DNAH14: variants seen among roughly 807,000 people sequenced by gnomAD.
DNAH14 encodes dynein axonemal heavy chain 14.
Under a neutral mutation model 520.9 loss-of-function variants are expected in DNAH14, and 478 were observed. That is an observed-to-expected ratio of 0.92 (90% CI 0.85 to 0.99). The LOEUF is 0.99. DNAH14 is among the 50% of genes least tolerant of loss of function. DNAH14 has a pLI of 0.00. For synonymous variants in DNAH14, 1,581 were observed against 1,757.2 expected (o/e 0.90, Z 2.51); for missense variants, 4,831 against 5,234.5 (o/e 0.92, Z 2.38).
At chr1:225,341,616 A>G (rs1005967189) in intron 69 of DNAH14, among the ~76,000 whole-genome samples, 4 of 152,240 alleles carry the variant, frequency 2.6e-5, no homozygotes, top group African/African-American at 9.6e-5. Flanking sequence ...CGGTGAGTCA[A>G]GATGGTGCCA....
intron 84 of DNAH14, chr1:225,398,039 C>T (rs6426072): frequency 0.56 from 73,739 of 130,530 alleles, 22,508 homozygotes; most frequent in East Asian, 0.76. Context: ...AGAGCGAGAC[C>T]CCATGTCAAA....
At chr1:225,155,457 A>G (rs2080934749) in intron 34 of DNAH14, among the ~76,000 whole-genome samples, 1 of 152,278 alleles carries the variant, frequency 6.6e-6, no homozygotes, top group African/African-American at 2.4e-5. Context: ...TATAATATTG[A>G]TGGCATGTAA....
intron 41 of DNAH14, among the ~76,000 whole-genome samples, chr1:225,213,053 A>G (rs2088690044): frequency 6.6e-6 from 1 of 152,204 alleles, no homozygotes; most frequent in Non-Finnish European, 1.5e-5. Flanking sequence ...TCTAACATTT[A>G]AGTCTTTGAT....
At chr1:225,305,129 G>T (rs771771415) in intron 58 of DNAH14, 40 bp downstream of exon 58, 1 of 1,494,708 alleles carries the variant, frequency 6.7e-7, no homozygotes, top group Non-Finnish European at 8.8e-7. Context: ...ATTTTATATT[G>T]GTGTTTTTGT....
At chr1:224,957,697 A>C (rs1304883401) in intron 3 of DNAH14, among the ~76,000 whole-genome samples, 1 of 152,180 alleles carries the variant, frequency 6.6e-6, no homozygotes, top group Non-Finnish European at 1.5e-5. Flanking sequence ...AACACTGGTA[A>C]GTAACATGAG....
chr1:225,320,109 G>A (rs1334510269), intron 61 of DNAH14, among the ~76,000 whole-genome samples: 1 of 151,952 alleles, frequency 6.6e-6, no homozygotes, highest in Non-Finnish European at 1.5e-5. Context: ...ATTCCCTTTA[G>A]CCTAATTTCT....
At chr1:225,222,500 G>A (rs1558072351) in intron 41 of DNAH14, among the ~76,000 whole-genome samples, 1 of 152,256 alleles carries the variant, frequency 6.6e-6, no homozygotes, top group East Asian at 1.9e-4. Context: ...ACATGGAAGG[G>A]GACCCAAGAG....
chr1:225,117,727 T>C lies in DNAH14; in HGVS notation c.3911T>C (p.Phe1304Ser). The C allele has an allele frequency of 1.3e-6, 2 of 1,550,394 alleles. No homozygotes were observed. Among genetic ancestry groups the C allele is most frequent in the Non-Finnish European group, 8.7e-7 (1 of 1,146,834 alleles). Residue 1304 changes from phenylalanine to serine, a missense_variant, in exon 24 of 86, where the codon TTT becomes TCT. Phe to Ser is a radical substitution (Grantham distance 155). Coordinates refer to ENST00000682510, the MANE Select transcript of DNAH14 (RefSeq NM_001367479.1). The stretch of plus-strand genomic sequence containing the variant: ...AGATTAATTTTCCCAAGATTTTACT[T>C]TCTTAGCAATGCCGAGCTTCTTGAT... Reference protein sequence around the residue: ...VKRLIFPRFYFLSNAELLDIL... With the variant: ...VKRLIFPRFYSLSNAELLDIL...
intron 65 of DNAH14, 130 bp from the exon 66 acceptor site, chr1:225,333,161 T>C (rs1460764434): frequency 4.1e-6 from 3 of 726,990 alleles, no homozygotes; most frequent in East Asian, 5.6e-5. Flanking sequence ...TTATTAACTT[T>C]GATACAGCCA....
At chr1:224,973,246 A>T (rs148289131) in intron 7 of DNAH14, among the ~76,000 whole-genome samples, 1 of 152,344 alleles carries the variant, frequency 6.6e-6, no homozygotes, top group African/African-American at 2.4e-5. Flanking sequence ...TTGATTCAAA[A>T]TTAGCCAACG....
At chr1:225,019,128 A>C (rs564595905) in intron 10 of DNAH14, among the ~76,000 whole-genome samples, 1 of 152,332 alleles carries the variant, frequency 6.6e-6, no homozygotes, top group East Asian at 1.9e-4. Context: ...ACTGTGACAA[A>C]CTGGATAAAG....
intron 21 of DNAH14, among the ~76,000 whole-genome samples, chr1:225,092,035 A>G (rs2074444618): frequency 6.6e-6 from 1 of 152,178 alleles, no homozygotes; most frequent in South Asian, 2.1e-4. Context: ...TATTGTAAAT[A>G]TATACACACC....
chr1:225,105,333 A>G (rs1273990944), intron 23 of DNAH14, among the ~76,000 whole-genome samples: 5 of 152,028 alleles, frequency 3.3e-5, no homozygotes, highest in Non-Finnish European at 7.4e-5. Context: ...GAATAAGTGC[A>G]GTGTGGTGCT....
At chr1:225,197,453 A>G (rs1434371160) in intron 38 of DNAH14, among the ~76,000 whole-genome samples, 2 of 152,218 alleles carry the variant, frequency 1.3e-5, no homozygotes, top group East Asian at 1.9e-4. Flanking sequence ...GCCTTATAGT[A>G]TAGCCTGAAA....
chr1:225,184,752 A>AG (rs1442028599), intron 36 of DNAH14, among the ~76,000 whole-genome samples: 5 of 152,110 alleles, frequency 3.3e-5, no homozygotes, highest in African/African-American at 1.2e-4. Flanking sequence ...ATCTTAAAAA[A>AG]AAGAGAGAGA....
At chr1:225,346,704 G>A (rs768287642) in intron 71 of DNAH14, 50 bp downstream of exon 71, 1 of 1,418,932 alleles carries the variant, frequency 7.0e-7, no homozygotes, top group Non-Finnish European at 9.5e-7. Context: ...TTAAAAGTGT[G>A]TTTCCTTCCT....
intron 27 of DNAH14, among the ~76,000 whole-genome samples, chr1:225,123,945 G>T (rs933390020): frequency 6.6e-6 from 1 of 151,654 alleles, no homozygotes; most frequent in Non-Finnish European, 1.5e-5. Context: ...TAGAGATGGG[G>T]TTTTGTAATG....
chr1:225,224,933 C>A (rs1306598653), intron 41 of DNAH14, among the ~76,000 whole-genome samples: 1 of 152,194 alleles, frequency 6.6e-6, no homozygotes, highest in African/African-American at 2.4e-5. Flanking sequence ...TGCACTTTTT[C>A]TTTGACTTCA....
intron 37 of DNAH14, 35 bp downstream of exon 37, chr1:225,185,460 T>C: frequency 6.7e-7 from 1 of 1,488,852 alleles, no homozygotes. Flanking sequence ...TTTCTCTATT[T>C]GTTCATATCT....
Sources: allele counts gnomAD v4.1 joint callset (sites outside exome capture counted in the v4.1 genomes callset), GRCh38; gene constraint gnomAD v4.1.1; transcripts MANE v1.5; gene names NCBI Gene and HGNC (gene_info 2026-07-23, HGNC 2026-07-21).